SRPK2: variants seen among roughly 807,000 people sequenced by gnomAD.
The protein encoded by SRPK2 is SFRS protein kinase 2.
In SRPK2, 21 loss-of-function variants were observed where a neutral mutation model predicts 90.8. The observed-to-expected ratio is 0.23, with a 90% CI of 0.16 to 0.33. The LOEUF is 0.33. SRPK2 is among the 10% of genes least tolerant of loss of function. The pLI is 1.00. For synonymous variants in SRPK2, 288 were observed against 311.1 expected (o/e 0.93, Z 0.78); for missense variants, 620 against 869.0 (o/e 0.71, Z 3.60).
intron 3 of SRPK2, among the ~76,000 whole-genome samples, chr7:105,179,448 C>G (rs1219285175): frequency 1.3e-5 from 2 of 152,170 alleles, no homozygotes; most frequent in African/African-American, 2.4e-5. Context: ...GTAAAACTAA[C>G]TGGCCCAAAG....
chr7:105,146,447 C>T (rs768756253), intron 8 of SRPK2, 46 bp downstream of exon 8: 12 of 1,586,010 alleles, frequency 7.6e-6, no homozygotes, highest in African/African-American at 1.4e-5. Flanking sequence ...ACTTTGCAAG[C>T]TCCCAATGCC....
At chr7:105,248,663 G>C (rs999616233) in intron 2 of SRPK2, among the ~76,000 whole-genome samples, 2 of 151,908 alleles carry the variant, frequency 1.3e-5, no homozygotes, top group African/African-American at 2.4e-5. Context: ...AGGTTAGTCC[G>C]GGCGCGATGG....
chr7:105,363,531 C>T lies in SRPK2; in HGVS notation c.71+25117G>A, dbSNP rs147982808. ...ATCATTAAAAAGTCAGGAAACAACA[C>T]GTGCTGGAGAGGATGTGGAGAAATA... On this transcript the variant is annotated intron_variant, in intron 2 of 15. Coordinates refer to ENST00000393651, the MANE Select transcript of SRPK2 (RefSeq NM_182692.3). Among the ~76,000 whole-genome samples the T allele has an allele frequency of 5.3e-5, 8 of 152,210 alleles. No individual in the cohort carries two copies. The South Asian group carries it at 1.5e-3, about 28-fold the overall frequency.
At chr7:105,393,828 C>G (rs1231612939), upstream of SRPK2, among the ~76,000 whole-genome samples, 1 of 151,890 alleles carries the variant, frequency 6.6e-6, no homozygotes, top group East Asian at 1.9e-4. Context: ...TTTTGGGAGG[C>G]TAAAGTAGGA....
At chr7:105,149,341 T>A (rs778222326) in intron 7 of SRPK2, among the ~76,000 whole-genome samples, 23 of 152,324 alleles carry the variant, frequency 1.5e-4, no homozygotes, top group Middle Eastern at 3.4e-3. Context: ...CTGGTGTACG[T>A]GCACGTCCAG....
upstream of SRPK2, among the ~76,000 whole-genome samples, chr7:105,392,555 C>G (rs35993922): frequency 0.17 from 26,563 of 152,094 alleles, 3,015 homozygotes; most frequent in East Asian, 0.58. Context: ...GCTCTGTTGC[C>G]GAGGCTGGAG....
At chr7:105,272,111 G>A (rs979308929) in intron 2 of SRPK2, among the ~76,000 whole-genome samples, 6 of 152,026 alleles carry the variant, frequency 3.9e-5, no homozygotes, top group Non-Finnish European at 5.9e-5. Flanking sequence ...ATTTTAAAAT[G>A]ACACATCTTC....
chr7:105,270,698 A>G (rs746993579), intron 2 of SRPK2, among the ~76,000 whole-genome samples: 1 of 151,614 alleles, frequency 6.6e-6, no homozygotes, highest in Non-Finnish European at 1.5e-5. Flanking sequence ...TATGAGCCAC[A>G]GCACCAGGCC....
chr7:105,287,239 C>T lies in SRPK2; in HGVS notation c.72-83454G>A, dbSNP rs540856085. Among the ~76,000 whole-genome samples, 27 of 107,054 alleles carry T rather than the reference C, an allele frequency of 2.5e-4. No homozygotes were observed. The East Asian group carries it at 3.3e-3, about 13-fold the overall frequency. The allele number at this position is 107,054 out of a possible 152,430, so 70.2% of individuals were successfully genotyped here. On this transcript the variant is annotated intron_variant, in intron 2 of 15. Transcript: ENST00000393651. ...TCCCACCACTGCACTCCAGCCTGGG[C>T]GACAGAGCGAGACTCCGTCTAAAAA...
chr7:105,212,043 C>G (rs1467716359), intron 2 of SRPK2, among the ~76,000 whole-genome samples: 1 of 152,136 alleles, frequency 6.6e-6, no homozygotes, highest in Non-Finnish European at 1.5e-5. Context: ...TGCTTTTATC[C>G]TTCCCATTTT....
At chr7:105,202,086 C>G (rs187225160) in intron 3 of SRPK2, among the ~76,000 whole-genome samples, 1 of 114,192 alleles carries the variant, frequency 8.8e-6, no homozygotes, top group African/African-American at 3.3e-5. Context: ...ACTATTCAGA[C>G]AAATGCTAAG....
intron 2 of SRPK2, among the ~76,000 whole-genome samples, chr7:105,358,404 G>A (rs998680339): frequency 2.0e-5 from 3 of 151,746 alleles, no homozygotes; most frequent in Non-Finnish European, 4.4e-5. Flanking sequence ...AATCATAAGG[G>A]GCCATGCATG....
chr7:105,182,388 A>C (rs1211108620), intron 3 of SRPK2, among the ~76,000 whole-genome samples: 4 of 151,846 alleles, frequency 2.6e-5, no homozygotes, highest in Non-Finnish European at 4.4e-5. Flanking sequence ...AGAATGGTAC[A>C]TTGAATCAGA....
chr7:105,379,247 AAAT>A (rs752250252), intron 2 of SRPK2, among the ~76,000 whole-genome samples: 11 of 152,114 alleles, frequency 7.2e-5, no homozygotes, highest in Non-Finnish European at 1.3e-4. Flanking sequence ...AATCAAAAGT[AAAT>A]AAATAATAAC....
chr7:105,319,504 C>CGGGGGGGGGGGGGG (rs796955446), intron 2 of SRPK2, among the ~76,000 whole-genome samples: 7 of 5,306 alleles, frequency 1.3e-3, no homozygotes, highest in Non-Finnish European at 3.7e-3. Context: ...GCACTTGCGG[C>CGGGGGGGGGGGGGG]GGGGGGGGGG....
chr7:105,328,554 T>C lies in SRPK2; in HGVS notation c.71+60094A>G, dbSNP rs1194165589. On this transcript the variant is annotated intron_variant, in intron 2 of 15. Coordinates refer to ENST00000393651, the MANE Select transcript of SRPK2 (RefSeq NM_182692.3). ...TCCAGCCTCAGTGACAGAGCCAGGC[T>C]CTGTCTCAAAAAAAAAAAAAAAAAA... 4.0e-5 allele frequency among the ~76,000 whole-genome samples: 3 copies of C among 75,216 alleles called. No homozygotes were observed. The Admixed American group carries it at 5.8e-4, about 14-fold the overall frequency. 49.3% of individuals were successfully genotyped at this position (75,216 alleles called of 152,430 possible).
intron 2 of SRPK2, among the ~76,000 whole-genome samples, chr7:105,341,916 G>A (rs1031340048): frequency 6.6e-5 from 10 of 151,812 alleles, no homozygotes; most frequent in Non-Finnish European, 7.4e-5. Flanking sequence ...GTAGTGAGCC[G>A]AGATCGTGCC....
chr7:105,121,314 C>T (rs1800328013), intron 15 of SRPK2, among the ~76,000 whole-genome samples: 1 of 151,186 alleles, frequency 6.6e-6, no homozygotes, highest in South Asian at 2.1e-4. Context: ...CACTACACTC[C>T]AGCCTAGGCA....
At chr7:105,345,860 T>C (rs1209009636) in intron 2 of SRPK2, among the ~76,000 whole-genome samples, 1 of 152,246 alleles carries the variant, frequency 6.6e-6, no homozygotes, top group East Asian at 1.9e-4. Flanking sequence ...GGTTCCTCAG[T>C]CACACTAGTC....
Sources: allele counts gnomAD v4.1 joint callset (sites outside exome capture counted in the v4.1 genomes callset), GRCh38; gene constraint gnomAD v4.1.1; transcripts MANE v1.5; gene names NCBI Gene and HGNC (gene_info 2026-07-23, HGNC 2026-07-21).